Variants in DRC4 observed in about 807,000 individuals in gnomAD.
DRC4 encodes the protein GAS-11.
At chr16:90,028,316 C>T in the DRC4 span, among the ~76,000 whole-genome samples, 1 of 151,336 alleles carries the variant, frequency 6.6e-6, no homozygotes. Flanking sequence ...TCCCGAGTAG[C>T]TGGGACTACA....
chr16:90,039,415 C>T, the DRC4 span, among the ~76,000 whole-genome samples: 7 of 151,910 alleles, frequency 4.6e-5, no homozygotes, highest in South Asian at 2.1e-4. Context: ...GATGGAGTTT[C>T]GCTCTTGTTG....
chr16:90,019,899 G>A, the DRC4 span: 1 of 679,420 alleles, frequency 1.5e-6, no homozygotes, highest in Non-Finnish European at 2.7e-6. The surrounding 1 kb of genome is among the most constrained non-coding windows in gnomAD (Gnocchi z 6.1). Context: ...TTAACGCGGG[G>A]GGCGGGTGGG....
the DRC4 span, among the ~76,000 whole-genome samples, chr16:90,020,618 G>A: frequency 3.3e-5 from 5 of 152,172 alleles, no homozygotes; most frequent in Non-Finnish European, 5.9e-5. Flanking sequence ...ATCTGAACTC[G>A]AATTCAATAT....
chr16:90,042,409 C>A, the DRC4 span: 1 of 1,458,846 alleles, frequency 6.9e-7, no homozygotes, highest in Non-Finnish European at 9.6e-7. Context: ...AGTCCCCAGG[C>A]CGCTCCCGTT....
the DRC4 span, chr16:90,027,894 ATGTC>A: frequency 1.6e-5 from 10 of 608,936 alleles, no homozygotes; most frequent in Non-Finnish European, 2.7e-5. Flanking sequence ...CGGCTGCACC[ATGTC>A]TTTTCAGAAA....
chr16:90,042,315 C>G, the DRC4 span: 1 of 690,054 alleles, frequency 1.4e-6, no homozygotes, highest in South Asian at 1.5e-5. Flanking sequence ...CCTTGGAGAC[C>G]TTTTTCTGCT....
chr16:90,022,722 A>T, the DRC4 span: 7 of 1,415,322 alleles, frequency 4.9e-6, no homozygotes, highest in Admixed American at 7.5e-5. Flanking sequence ...CGCTGGCGTC[A>T]TGGTGAGCAG....
chr16:90,037,251 G>A, the DRC4 span: 91,947 of 1,611,484 alleles, frequency 0.057, 3,097 homozygotes, highest in East Asian at 0.079. Flanking sequence ...GAGGACATGC[G>A]GAAGAAGGAG....
the DRC4 span, chr16:90,022,546 C>G: frequency 1.7e-6 from 1 of 596,110 alleles, no homozygotes; most frequent in Non-Finnish European, 2.6e-6. Context: ...GGGTTCCTTC[C>G]GGACGCCCGT....
the DRC4 span, chr16:90,039,953 G>T: frequency 3.7e-4 from 127 of 340,144 alleles, no homozygotes; most frequent in Admixed American, 1.6e-3. Context: ...AATCTCACCT[G>T]AGCCCACAGC....
the DRC4 span, chr16:90,037,305 A>G: frequency 6.2e-7 from 1 of 1,614,062 alleles, no homozygotes. Context: ...GGGCAGAACA[A>G]GCGCCTGGCA....
chr16:90,031,407 C>G, the DRC4 span: 1 of 1,613,734 alleles, frequency 6.2e-7, no homozygotes, highest in South Asian at 1.1e-5. Flanking sequence ...GGAGATCACA[C>G]GGAGGCAGCT....
chr16:90,028,389 C>T, the DRC4 span, among the ~76,000 whole-genome samples: 9 of 151,552 alleles, frequency 5.9e-5, no homozygotes, highest in Non-Finnish European at 1.0e-4. Context: ...GGGGTTTCAC[C>T]GTGTTAGCCA....
the DRC4 span, chr16:90,044,543 A>T: frequency 2.1e-6 from 1 of 471,118 alleles, no homozygotes; most frequent in Non-Finnish European, 4.4e-6. Flanking sequence ...CTCTTCCTCC[A>T]GTAGCCCTCA....
chr16:90,025,593 T>G, the DRC4 span, among the ~76,000 whole-genome samples: 4 of 130,384 alleles, frequency 3.1e-5, no homozygotes, highest in East Asian at 8.8e-4. Context: ...GAGGTTGCAG[T>G]GAGCTGAGAT....
chr16:90,035,062 C>A, the DRC4 span, among the ~76,000 whole-genome samples: 1 of 152,024 alleles, frequency 6.6e-6, no homozygotes, highest in Non-Finnish European at 1.5e-5. Flanking sequence ...TGCCACCATG[C>A]CCGGCTAATT....
the DRC4 span, chr16:90,039,979 A>G: frequency 2.6e-6 from 1 of 390,838 alleles, no homozygotes; most frequent in East Asian, 5.4e-5. Context: ...CTCGGGCAAG[A>G]CTGGCCTCGG....
the DRC4 span, among the ~76,000 whole-genome samples, chr16:90,039,366 TTTA>T: frequency 2.8e-5 from 4 of 145,122 alleles, no homozygotes; most frequent in African/African-American, 1.1e-4. Flanking sequence ...CAGTTATTTA[TTTA>T]TTTATTTATT....
the DRC4 span, chr16:90,035,638 C>G: frequency 6.2e-7 from 1 of 1,614,206 alleles, no homozygotes; most frequent in Non-Finnish European, 8.5e-7. Context: ...TGCAGAAACA[C>G]ACCGAGGAGA....
Sources: allele counts gnomAD v4.1 joint callset (sites outside exome capture counted in the v4.1 genomes callset), GRCh38; gene constraint gnomAD v4.1.1; non-coding constraint Gnocchi (gnomAD v3.1); transcripts MANE v1.5; gene names NCBI Gene and HGNC (gene_info 2026-07-23, HGNC 2026-07-21).